Variants in SPIDR observed in about 807,000 individuals in gnomAD.
SPIDR encodes scaffold protein involved in DNA repair.
A neutral mutation model predicts 104.6 loss-of-function variants in SPIDR; 93 were observed. That is an observed-to-expected ratio of 0.89 (90% CI 0.75 to 1.06). The LOEUF (loss-of-function observed/expected upper bound fraction) is 1.06, where lower values mean the gene tolerates loss of function less well. Among genes scored for constraint, SPIDR ranks in the 50% least tolerant of loss-of-function variants. The pLI, the probability that SPIDR is intolerant of heterozygous loss-of-function variation, is 0.00. For missense variants in SPIDR, 1,154 were observed against 1,111.2 expected, an observed-to-expected ratio of 1.04 and a Z score of -0.55; for synonymous variants, 431 against 416.9, an observed-to-expected ratio of 1.03 and a Z score of -0.41.
chr8:47,575,637 A>T (rs1347277316), intron 8 of SPIDR, among the ~76,000 whole-genome samples: 1 of 125,216 alleles, frequency 8.0e-6, no homozygotes, highest in Non-Finnish European at 1.6e-5. Flanking sequence ...ACAGAGAGAG[A>T]CTCCGTCTCA....
At chr8:47,288,041 A>T (rs1729765514) in intron 3 of SPIDR, among the ~76,000 whole-genome samples, 1 of 152,300 alleles carries the variant, frequency 6.6e-6, no homozygotes, top group Middle Eastern at 3.4e-3. Flanking sequence ...AATGAAATCT[A>T]CATAATTTAT....
At chr8:47,526,775 T>G (rs528856504) in intron 8 of SPIDR, among the ~76,000 whole-genome samples, 2 of 152,330 alleles carry the variant, frequency 1.3e-5, no homozygotes, top group African/African-American at 4.8e-5. Flanking sequence ...GTGGAAGTTG[T>G]CATTCCTGTC....
intron 11 of SPIDR, among the ~76,000 whole-genome samples, chr8:47,684,697 T>G (rs1369092322): frequency 6.6e-6 from 1 of 152,244 alleles, no homozygotes; most frequent in Non-Finnish European, 1.5e-5. Context: ...CAGCCAGCAC[T>G]GACCCAAGAC....
chr8:47,600,702 T>C (rs762643241), intron 10 of SPIDR, among the ~76,000 whole-genome samples: 1 of 152,162 alleles, frequency 6.6e-6, no homozygotes, highest in Non-Finnish European at 1.5e-5. Context: ...ACATCAGACA[T>C]AGGTTTTTGT....
intron 1 of SPIDR, among the ~76,000 whole-genome samples, chr8:47,267,563 A>G (rs28700053): frequency 0.028 from 4,294 of 152,316 alleles, 213 homozygotes; most frequent in African/African-American, 0.096. Flanking sequence ...ATGGTTATGA[A>G]GTGTTACCTC....
At chr8:47,686,422 A>C (rs939677676) in intron 11 of SPIDR, among the ~76,000 whole-genome samples, 1 of 152,248 alleles carries the variant, frequency 6.6e-6, no homozygotes, top group African/African-American at 2.4e-5. Context: ...AAAATACTTA[A>C]ATCTTTATAA....
intron 6 of SPIDR, among the ~76,000 whole-genome samples, chr8:47,400,550 A>G (rs1554661808): frequency 6.6e-6 from 1 of 152,114 alleles, no homozygotes; most frequent in African/African-American, 2.4e-5. Context: ...TTACCTGATA[A>G]AGACCAGGTA....
At chr8:47,496,611 T>A (rs1186200424) in intron 8 of SPIDR, among the ~76,000 whole-genome samples, 3 of 152,004 alleles carry the variant, frequency 2.0e-5, no homozygotes. Flanking sequence ...TTTGTGAGAG[T>A]TTTTGCATAT....
chr8:47,586,473 C>T (rs2060262267), intron 8 of SPIDR, among the ~76,000 whole-genome samples: 1 of 152,126 alleles, frequency 6.6e-6, no homozygotes, highest in African/African-American at 2.4e-5. Flanking sequence ...TGTGCATTTT[C>T]TTAATGGCTA....
intron 8 of SPIDR, chr8:47,511,808 T>G (rs763335493): frequency 3.1e-5 from 33 of 1,059,714 alleles, no homozygotes; most frequent in Non-Finnish European, 4.7e-5. Flanking sequence ...TTGGAACTTT[T>G]CTTTCTGGGA....
At chr8:47,406,122 AT>A (rs1471685788) in intron 6 of SPIDR, among the ~76,000 whole-genome samples, 2 of 150,398 alleles carry the variant, frequency 1.3e-5, no homozygotes, top group African/African-American at 4.9e-5. Context: ...AGGTCACAGC[AT>A]TGAAAAGCAA....
chr8:47,488,876 C>A (rs1391688841), intron 8 of SPIDR, among the ~76,000 whole-genome samples: 1 of 152,160 alleles, frequency 6.6e-6, no homozygotes, highest in Non-Finnish European at 1.5e-5. Context: ...CTATCTATGA[C>A]AAACCCACAG....
chr8:47,302,602 G>T (rs1236789537), intron 5 of SPIDR, among the ~76,000 whole-genome samples: 1 of 152,108 alleles, frequency 6.6e-6, no homozygotes, highest in African/African-American at 2.4e-5. Context: ...TTTGATGATG[G>T]TGACGTACAG....
intron 8 of SPIDR, among the ~76,000 whole-genome samples, chr8:47,456,057 C>T (rs1350180824): frequency 3.9e-5 from 6 of 152,150 alleles, no homozygotes; most frequent in Admixed American, 1.3e-4. Flanking sequence ...CTTGAGTGCA[C>T]GCATTACATT....
chr8:47,641,796 C>T (rs139444766), intron 10 of SPIDR, among the ~76,000 whole-genome samples: 2,188 of 152,270 alleles, frequency 0.014, 165 homozygotes, highest in Admixed American at 0.12. Flanking sequence ...ACCCAGCCCA[C>T]CATGTGTAAG....
chr8:47,387,252 G>A (rs2060064404), intron 5 of SPIDR, among the ~76,000 whole-genome samples: 1 of 152,172 alleles, frequency 6.6e-6, no homozygotes, highest in South Asian at 2.1e-4. Flanking sequence ...GAGGCCTGGT[G>A]GGAGCAGGGG....
chr8:47,276,070 A>G (rs1301017661), intron 1 of SPIDR, among the ~76,000 whole-genome samples: 2 of 152,182 alleles, frequency 1.3e-5, no homozygotes, highest in East Asian at 3.9e-4. Flanking sequence ...CATGTTCCCC[A>G]GGCTGGTCTC....
Position 47,284,014 on chromosome 8 carries a change from T to C in SPIDR, c.190-14T>C. The C allele has an allele frequency of 1.3e-6, 2 of 1,590,890 alleles. No individual in the cohort carries two copies. The highest frequency in any genetic ancestry group is 8.5e-7 in the Non-Finnish European group (1 of 1,169,948). ...TTTGTCACATAAATTCCATGATTAT[T>C]ATTTTGCCTACAGTCATTAACAGCT... On this transcript the variant is annotated splice_polypyrimidine_tract_variant and intron_variant, in intron 2 of 19. Coordinates refer to ENST00000297423, the MANE Select transcript of SPIDR (RefSeq NM_001080394.4).
chr8:47,449,177 G>C (rs1554704092), intron 8 of SPIDR, among the ~76,000 whole-genome samples: 1 of 152,150 alleles, frequency 6.6e-6, no homozygotes, highest in East Asian at 1.9e-4. Flanking sequence ...TTGCTGATGG[G>C]TTTGATGTGG....
Sources: allele counts gnomAD v4.1 joint callset (sites outside exome capture counted in the v4.1 genomes callset), GRCh38; gene constraint gnomAD v4.1.1; transcripts MANE v1.5; gene names NCBI Gene and HGNC (gene_info 2026-07-23, HGNC 2026-07-21).